GLDN: variants seen among roughly 807,000 people sequenced by gnomAD.
GLDN encodes collomin.
In GLDN, 47 loss-of-function variants were observed where a neutral mutation model predicts 56.5. The ratio of observed to expected loss-of-function variants is 0.83; its 90% CI spans 0.66 to 1.06. The LOEUF is 1.06. Ranked by LOEUF, GLDN falls within the 50% of genes least tolerant of loss-of-function variation. GLDN has a pLI of 0.00. For synonymous variants in GLDN, 332 were observed against 278.8 expected (o/e 1.19, Z -1.90); for missense variants, 782 against 714.3 (o/e 1.09, Z -1.08).
rs1210544994 is a variant in GLDN at position 51,374,749 on chromosome 15, T to A, written c.364-2700T>A. Among the ~76,000 whole-genome samples the A allele has an allele frequency of 5.4e-5, 8 of 148,892 alleles. No individual in the cohort carries two copies. In the East Asian group the frequency reaches 9.7e-4, roughly 18 times the overall value. On this transcript the variant is annotated intron_variant, in intron 1 of 9. Transcript: ENST00000335449. ...TTCTTTCTTTTCCTTTTTTTTTTTT[T>A]TTTTTTGAGACAGGGTGTTGCTCTG...
At chr15:51,355,942 T>C (rs969041986) in intron 1 of GLDN, among the ~76,000 whole-genome samples, 2 of 144,550 alleles carry the variant, frequency 1.4e-5, no homozygotes, top group African/African-American at 2.5e-5. Flanking sequence ...GTGTGGTGGC[T>C]CACGCCTGTA....
intron 2 of GLDN, among the ~76,000 whole-genome samples, chr15:51,380,948 T>C (rs1418064362): frequency 6.6e-6 from 1 of 152,246 alleles, no homozygotes; most frequent in Non-Finnish European, 1.5e-5. Flanking sequence ...TCCAGTCATC[T>C]ATGATGCTCG....
In GLDN at chr15:51,362,242, T is replaced by G. The variant is rs545297828; in HGVS notation, c.364-15207T>G. ...GCTCATGCCTGTAATCCCAGAACTT[T>G]GGGAGTAGAAGGCGGGCGGATCACC... On this transcript the variant is annotated intron_variant, in intron 1 of 9. Transcript: ENST00000335449. 5.9e-5 allele frequency among the ~76,000 whole-genome samples: 9 copies of G among 152,196 alleles called. No individual in the cohort carries two copies. In the East Asian group the frequency reaches 1.7e-3, roughly 29 times the overall value.
Position 51,406,680 on chromosome 15 carries a change from A to C in GLDN, c.*1926A>C, listed in dbSNP as rs1454099966. The C allele has an allele frequency of 6.6e-6, 1 of 152,206 alleles. No homozygotes were observed. The highest frequency in any genetic ancestry group is 1.5e-5 in the Non-Finnish European group (1 of 68,030). The allele number at this position is 152,206 out of a possible 1,614,324, so 9.4% of individuals were successfully genotyped here. ...AAAACTTAGGGGATATACAGATTTA[A>C]ATATTCAAATCTCCCTGCTCCCCTG... On this transcript the variant is annotated 3_prime_UTR_variant, in exon 10 of 10. Transcript: ENST00000335449.
At chr15:51,377,388 A>G (rs1237606945) in intron 1 of GLDN, 61 bp from the exon 2 acceptor site, 1 of 1,364,844 alleles carries the variant, frequency 7.3e-7, no homozygotes, top group Non-Finnish European at 1.0e-6. Flanking sequence ...TCGTCTGAAT[A>G]AAGGATGAGC....
At chr15:51,362,484 TAAAAAA>T (rs59898719) in intron 1 of GLDN, among the ~76,000 whole-genome samples, 6 of 131,850 alleles carry the variant, frequency 4.6e-5, no homozygotes, top group Admixed American at 1.5e-4. Flanking sequence ...GACTCTGTCT[TAAAAAA>T]AAAAAAAAAA....
chr15:51,409,966 A>C (rs1353243875), downstream of GLDN, among the ~76,000 whole-genome samples: 1 of 152,218 alleles, frequency 6.6e-6, no homozygotes, highest in Non-Finnish European at 1.5e-5. Context: ...CTTGCAGAGA[A>C]GTTCCATCAC....
chr15:51,384,086 G>A lies in GLDN; in HGVS notation c.541+194G>A, dbSNP rs1346824572. On this transcript the variant is annotated intron_variant, in intron 4 of 9. Coordinates refer to ENST00000335449, the MANE Select transcript of GLDN (RefSeq NM_181789.4). ...ACTTCTTGGTCCCACCTTGACAGAT[G>A]TTTATTTCAAACTGGAGAAGCCGTC... 6 of 633,802 alleles carry A rather than the reference G, an allele frequency of 9.5e-6. No individual in the cohort carries two copies. The African/African-American group carries it at 1.1e-4, about 12-fold the overall frequency. The allele number at this position is 633,802 out of a possible 1,614,324, so 39.3% of individuals were successfully genotyped here.
chr15:51,347,914 T>G, intron 1 of GLDN, among the ~76,000 whole-genome samples: 1 of 152,168 alleles, frequency 6.6e-6, no homozygotes, highest in Non-Finnish European at 1.5e-5. Context: ...CAGGATATAT[T>G]CTAAGTGAAC....
At chr15:51,396,018 G>A (rs1235814393) in intron 5 of GLDN, among the ~76,000 whole-genome samples, 1 of 152,098 alleles carries the variant, frequency 6.6e-6, no homozygotes, top group Middle Eastern at 3.2e-3. Flanking sequence ...CCATTCATGA[G>A]GGCTCTGCCT....
At chr15:51,357,733 C>T (rs2037213679) in intron 1 of GLDN, among the ~76,000 whole-genome samples, 1 of 152,224 alleles carries the variant, frequency 6.6e-6, no homozygotes, top group Admixed American at 6.5e-5. Context: ...TCTGCAGCCG[C>T]CCATGCATGC....
chr15:51,393,568 G>A (rs1470782786), intron 4 of GLDN, among the ~76,000 whole-genome samples: 2 of 152,142 alleles, frequency 1.3e-5, no homozygotes, highest in Non-Finnish European at 2.9e-5. Context: ...AGGTTCAAGG[G>A]AGCCCTCTGC....
chr15:51,394,999 T>C lies in GLDN; in HGVS notation c.688+18T>C. On this transcript the variant is annotated intron_variant, in intron 5 of 9. Coordinates refer to ENST00000335449, the MANE Select transcript of GLDN (RefSeq NM_181789.4). Reference sequence around the variant, plus strand: ...CCTGGCAGGTAAGAGGGGTACGCTGTGGCTCTCTTTGAGGGCTTGTGCGCC... The same window carrying C: ...CCTGGCAGGTAAGAGGGGTACGCTGCGGCTCTCTTTGAGGGCTTGTGCGCC... 1.3e-6 allele frequency: 2 copies of C among 1,559,398 alleles called. No homozygotes were observed. Among genetic ancestry groups the C allele is most frequent in the Non-Finnish European group, 1.7e-6 (2 of 1,158,122 alleles).
chr15:51,349,365 T>C (rs1308235579), intron 1 of GLDN, among the ~76,000 whole-genome samples: 2 of 152,274 alleles, frequency 1.3e-5, no homozygotes, highest in African/African-American at 2.4e-5. Context: ...GGATTTAGAC[T>C]GGGGTCAGCA....
At chr15:51,401,967 C>G (rs1459594345) in intron 9 of GLDN, among the ~76,000 whole-genome samples, 3 of 152,176 alleles carry the variant, frequency 2.0e-5, no homozygotes, top group Non-Finnish European at 4.4e-5. Context: ...CTGGTCTGGA[C>G]AGCCCGAGGA....
At chr15:51,361,101 G>A (rs562331957) in intron 1 of GLDN, among the ~76,000 whole-genome samples, 37 of 152,246 alleles carry the variant, frequency 2.4e-4, no homozygotes, top group African/African-American at 7.5e-4. Context: ...TGCTGTTGGC[G>A]GTTACTGAAA....
At chr15:51,381,774 T>G (rs1485594049) in intron 2 of GLDN, among the ~76,000 whole-genome samples, 1 of 152,000 alleles carries the variant, frequency 6.6e-6, no homozygotes, top group Non-Finnish European at 1.5e-5. Flanking sequence ...TAGGGTTTTT[T>G]TTTTTTCTGC....
At chr15:51,408,743 C>CA (rs1032336760), downstream of GLDN, among the ~76,000 whole-genome samples, 16 of 152,152 alleles carry the variant, frequency 1.1e-4, no homozygotes, top group African/African-American at 3.9e-4. Context: ...CAAGTGTTCT[C>CA]ATTGTTCAAT....
At chr15:51,363,538 T>C (rs1425789843) in intron 1 of GLDN, among the ~76,000 whole-genome samples, 1 of 152,192 alleles carries the variant, frequency 6.6e-6, no homozygotes, top group Non-Finnish European at 1.5e-5. Context: ...TATGGGCATG[T>C]GGGTGCACAC....
Sources: allele counts gnomAD v4.1 joint callset (sites outside exome capture counted in the v4.1 genomes callset), GRCh38; gene constraint gnomAD v4.1.1; transcripts MANE v1.5; gene names NCBI Gene and HGNC (gene_info 2026-07-23, HGNC 2026-07-21).